The following ATP7B variants were observed in gnomAD, a reference collection of about 807,000 sequenced individuals.
ATP7B encodes the protein copper-transporting ATPase 2.
In ATP7B, 113 loss-of-function variants were observed where a neutral mutation model predicts 118.9. The observed-to-expected ratio is 0.95, with a 90% confidence interval of 0.82 to 1.11. The LOEUF (loss-of-function observed/expected upper bound fraction) is 1.11. Among genes scored for constraint, ATP7B ranks in the 50% most tolerant of loss-of-function variants. The pLI is 0.00. For missense variants in ATP7B, 1,867 were observed against 1,871.4 expected (o/e 1.00, Z 0.04); for synonymous variants, 777 against 727.4 (o/e 1.07, Z -1.10).
chr13:51,934,070 T>G lies in ATP7B; in HGVS notation c.*686A>C, dbSNP rs1018729198. ...GTGTGGCAAGCTCCCTGGCTGGGGA[T>G]GTGTGAGCCAGGAAGCAGGTTCAAG... On this transcript the variant is annotated 3_prime_UTR_variant, in exon 21 of 21. Transcript: ENST00000242839. 3 of 153,856 alleles carry G rather than the reference T, an allele frequency of 1.9e-5. No homozygotes were observed. The highest frequency in any genetic ancestry group is 4.3e-5 in the Non-Finnish European group (3 of 69,212). 9.5% of individuals were successfully genotyped at this position (153,856 alleles called of 1,614,324 possible).
chr13:51,979,212 G>A (rs1952286701), intron 1 of ATP7B, among the ~76,000 whole-genome samples: 1 of 152,210 alleles, frequency 6.6e-6, no homozygotes, highest in Non-Finnish European at 1.5e-5. Flanking sequence ...AATATGGGCA[G>A]GAATTACACG....
At chr13:52,000,520 C>T (rs1953442144) in intron 1 of ATP7B, among the ~76,000 whole-genome samples, 1 of 152,186 alleles carries the variant, frequency 6.6e-6, no homozygotes, top group South Asian at 2.1e-4. Flanking sequence ...CCACCTATAG[C>T]CTACAATTCC....
intron 19 of ATP7B, 132 bp from the exon 20 acceptor site, chr13:51,935,827 C>A (rs1231903765): frequency 2.7e-6 from 2 of 740,132 alleles, no homozygotes; most frequent in Admixed American, 5.8e-5. Flanking sequence ...GAAGCCCCTG[C>A]CAATGGATCT....
At position 51,958,444 on chromosome 13, in the gene ATP7B, T is replaced by C. The variant is rs770533110; in HGVS notation, c.2222A>G (p.Tyr741Cys). 1.2e-6 allele frequency: 2 copies of C among 1,614,188 alleles called. No individual in the cohort carries two copies. The highest frequency in any genetic ancestry group is 1.7e-6 in the Non-Finnish European group (2 of 1,180,042). ...VLIVLATSIA[Y>C]VYSLVILVVA... ...CACCAGGATGACCAGAGAATAAACA[T>C]AAGCAATGCTTGTGGCCAGGACGAT... is the stretch of plus-strand genomic sequence containing the variant. The change falls in exon 8 of 21, where the codon TAT becomes TGT. Residue 741 changes from tyrosine (Y) to cysteine (C), a missense_variant. Coordinates refer to ENST00000242839, the MANE Select transcript of ATP7B (RefSeq NM_000053.4).
intron 13 of ATP7B, among the ~76,000 whole-genome samples, chr13:51,945,693 CT>C (rs1372307938): frequency 6.6e-6 from 1 of 152,204 alleles, no homozygotes; most frequent in Non-Finnish European, 1.5e-5. Context: ...GTCTTTCCCC[CT>C]GGTGGGCTCC....
At chr13:51,986,649 C>G (rs552820876) in intron 1 of ATP7B, among the ~76,000 whole-genome samples, 1 of 152,128 alleles carries the variant, frequency 6.6e-6, no homozygotes, top group Non-Finnish European at 1.5e-5. Context: ...TGATGAACAT[C>G]GATGCAAAAA....
chr13:51,935,130 T>G (rs1956883211), intron 20 of ATP7B, 101 bp from the exon 21 acceptor site: 2 of 1,460,878 alleles, frequency 1.4e-6, no homozygotes, highest in African/African-American at 1.4e-5. Context: ...TTAATAACAT[T>G]CAGTATCAAA....
intron 1 of ATP7B, among the ~76,000 whole-genome samples, chr13:52,002,165 A>ATT (rs1311099368): frequency 6.6e-6 from 1 of 152,162 alleles, no homozygotes; most frequent in Non-Finnish European, 1.5e-5. Context: ...ACACTTAAAG[A>ATT]ATTTCTCAAT....
At chr13:51,951,531 C>T (rs906499529) in intron 9 of ATP7B, among the ~76,000 whole-genome samples, 2 of 152,146 alleles carry the variant, frequency 1.3e-5, no homozygotes, top group African/African-American at 2.4e-5. Context: ...AGAGCTGTCA[C>T]ATGTAGATAG....
chr13:52,001,788 T>A (rs1356716713), intron 1 of ATP7B, among the ~76,000 whole-genome samples: 1 of 133,154 alleles, frequency 7.5e-6, no homozygotes, highest in Admixed American at 7.6e-5. Context: ...AGTGCAGGAA[T>A]CCTTCACATT....
intron 20 of ATP7B, 21 bp downstream of exon 20, chr13:51,935,572 G>A (rs1348783465): frequency 1.9e-6 from 3 of 1,608,060 alleles, no homozygotes; most frequent in Non-Finnish European, 2.5e-6. Flanking sequence ...TCCCACAGAT[G>A]CTCCACCTGA....
intron 1 of ATP7B, among the ~76,000 whole-genome samples, chr13:52,001,958 C>T (rs772419525): frequency 2.6e-5 from 4 of 151,812 alleles, no homozygotes; most frequent in Non-Finnish European, 4.4e-5. Flanking sequence ...GCCCAGCTTG[C>T]TTATTTATTT....
At chr13:52,007,483 G>T (rs1566678673) in intron 1 of ATP7B, among the ~76,000 whole-genome samples, 1 of 152,178 alleles carries the variant, frequency 6.6e-6, no homozygotes, top group Admixed American at 6.5e-5. Flanking sequence ...CTTTCCTATT[G>T]TTCCCCAAAC....
At chr13:51,951,398 T>C (rs1457190126) in intron 9 of ATP7B, among the ~76,000 whole-genome samples, 2 of 151,224 alleles carry the variant, frequency 1.3e-5, no homozygotes, top group Admixed American at 6.6e-5. Flanking sequence ...TGGAGAGAAA[T>C]GGTTCATTTT....
chr13:51,970,159 A>G (rs2139948849), intron 3 of ATP7B, among the ~76,000 whole-genome samples: 1 of 152,304 alleles, frequency 6.6e-6, no homozygotes, highest in African/African-American at 2.4e-5. Flanking sequence ...TATTCATTTT[A>G]TAGTAAGGGG....
chr13:51,971,679 T>C (rs1951850655), intron 2 of ATP7B, among the ~76,000 whole-genome samples: 1 of 152,240 alleles, frequency 6.6e-6, no homozygotes. Context: ...AAGAAACTCC[T>C]TCCTGAAACT....
chr13:51,974,963 A>C lies in ATP7B; in HGVS notation c.257T>G (p.Ile86Ser). The C allele has an allele frequency of 6.2e-7, 1 of 1,614,242 alleles. No individual in the cohort carries two copies. Among genetic ancestry groups the C allele is most frequent in the Non-Finnish European group, 8.5e-7 (1 of 1,180,046 alleles). Residue 86 changes from isoleucine to serine, a missense_variant, in exon 2 of 21, where the codon ATC becomes AGC. By Grantham distance (142) the Ile-to-Ser change is moderately radical. Transcript: ENST00000242839. ...IEDRISNLKG[I>S]ISMKVSLEQG... Reference sequence around the variant, plus strand: ...TTCCAGGGAAACCTTCATGCTGATGATGCCTTTCAAATTGGAAATCCTGTC... The same window carrying C: ...TTCCAGGGAAACCTTCATGCTGATGCTGCCTTTCAAATTGGAAATCCTGTC...
At chr13:51,999,917 GACAC>G (rs1953409236) in intron 1 of ATP7B, among the ~76,000 whole-genome samples, 1 of 152,052 alleles carries the variant, frequency 6.6e-6, no homozygotes, top group Admixed American at 6.6e-5. Context: ...CTCAGCCAGT[GACAC>G]ACTGCCCAAG....
chr13:51,961,802 T>C (rs1958760660), intron 6 of ATP7B, 35 bp downstream of exon 6: 4 of 1,593,580 alleles, frequency 2.5e-6, no homozygotes, highest in South Asian at 1.1e-5. Context: ...GGGACTTAGA[T>C]GAGAGCTGGA....
Sources: gnomAD v4.1 joint callset for allele counts (sites outside exome capture counted in the v4.1 genomes callset) on GRCh38, gnomAD v4.1.1 for gene constraint, MANE v1.5 for transcripts, NCBI Gene and HGNC (gene_info 2026-07-23, HGNC 2026-07-21) for gene names.